TLR2: variants seen among roughly 807,000 people sequenced by gnomAD.
The protein encoded by TLR2 is toll-like receptor 2.
A neutral mutation model predicts 9.1 loss-of-function variants in TLR2; 7 were observed. The ratio of observed to expected loss-of-function variants is 0.77; its 90% CI spans 0.44 to 1.44. The LOEUF is 1.44. TLR2 is among the 40% of genes most tolerant of loss of function. The pLI is 0.01. For synonymous variants in TLR2, 317 were observed against 344.6 expected, an observed-to-expected ratio of 0.92 and a Z score of 0.89; for missense variants, 812 against 904.6, an observed-to-expected ratio of 0.90 and a Z score of 1.31.
At chr4:153,699,166 T>C (rs1181476347) in intron 2 of TLR2, among the ~76,000 whole-genome samples, 2 of 152,180 alleles carry the variant, frequency 1.3e-5, no homozygotes, top group East Asian at 3.9e-4. Context: ...TAGCACACAG[T>C]GTCCCACAGG....
chr4:153,699,696 T>C (rs545265280), intron 2 of TLR2, among the ~76,000 whole-genome samples: 2 of 152,252 alleles, frequency 1.3e-5, no homozygotes, highest in African/African-American at 2.4e-5. Context: ...GAATCTGTTA[T>C]AAAGAAAATG....
chr4:153,703,288 A>G lies in TLR2; in HGVS notation c.381A>G (p.Thr127=). ...GGTTCAAGCCCCTTTCTTCTTTAAC[A>G]TTCTTAAACTTACTGGGAAATCCTT... The part of the protein sequence containing the change: ...SSWFKPLSSL[T]FLNLLGNPYK... The change falls in exon 3 of 3, where the codon ACA becomes ACG. Residue 127 remains threonine (T), a synonymous_variant. Transcript: ENST00000642700. 1.2e-6 allele frequency: 2 copies of G among 1,611,664 alleles called. No homozygotes were observed. The highest frequency in any genetic ancestry group is 1.7e-6 in the Non-Finnish European group (2 of 1,179,434).
Position 153,704,600 on chromosome 4 carries a change from G to C in TLR2, c.1693G>C (p.Asp565His). 6.2e-7 allele frequency: 1 copy of C among 1,613,368 alleles called. No homozygotes were observed. The highest frequency in any genetic ancestry group is 8.5e-7 in the Non-Finnish European group (1 of 1,179,968). The part of the protein sequence containing the change: ...LIDWPANYLC[D>H]SPSHVRGQQV... ...TGATTGGCCAGCAAATTACCTGTGT[G>C]ACTCTCCATCCCATGTGCGTGGCCA... The change falls in exon 3 of 3, where the codon GAC (aspartate) becomes CAC (histidine). Residue 565 changes from aspartate to histidine, a missense_variant. Coordinates refer to ENST00000642700, the MANE Select transcript of TLR2 (RefSeq NM_001318789.2).
chr4:153,699,763 T>C (rs183942756), intron 2 of TLR2, among the ~76,000 whole-genome samples: 1 of 152,278 alleles, frequency 6.6e-6, no homozygotes, highest in African/African-American at 2.4e-5. Context: ...TGAGGATGAT[T>C]GGGGATACAG....
intron 2 of TLR2, among the ~76,000 whole-genome samples, chr4:153,701,221 G>C (rs1483865007): frequency 6.6e-6 from 1 of 152,150 alleles, no homozygotes; most frequent in Non-Finnish European, 1.5e-5. Context: ...AGTATTAAGA[G>C]GTGTGACCTG....
In TLR2 at chr4:153,704,648, T is replaced by C; in HGVS notation, c.1741T>C (p.Ser581Pro). 1 of 1,613,506 alleles carries C rather than the reference T, an allele frequency of 6.2e-7. No individual in the cohort carries two copies. ...CCAGCAGGTTCAGGATGTCCGCCTC[T>C]CGGTGTCGGAATGTCACAGGACAGC... is the stretch of plus-strand genomic sequence containing the variant. ...RGQQVQDVRL[S>P]VSECHRTALV... The change falls in exon 3 of 3, where the codon TCG becomes CCG. Residue 581 changes from serine (S) to proline (P), a missense_variant. Ser to Pro is a moderately conservative substitution (Grantham distance 74, BLOSUM62 -1). Transcript: ENST00000642700.
intron 1 of TLR2, 150 bp from the exon 2 acceptor site, chr4:153,687,752 A>C (rs1735814156): frequency 6.6e-6 from 1 of 152,264 alleles, no homozygotes; most frequent in Non-Finnish European, 1.5e-5. Context: ...GAAGCCAATC[A>C]GGTGATTACT....
chr4:153,699,131 A>T (rs1259222150), intron 2 of TLR2, among the ~76,000 whole-genome samples: 2 of 152,214 alleles, frequency 1.3e-5, no homozygotes, highest in East Asian at 3.9e-4. Flanking sequence ...AAATACTACT[A>T]TTGCTTCCCC....
downstream of TLR2, among the ~76,000 whole-genome samples, chr4:153,707,453 G>A (rs1399652699): frequency 1.3e-5 from 2 of 152,212 alleles, no homozygotes; most frequent in African/African-American, 2.4e-5. Context: ...GGGATGCTGA[G>A]GTGGGAGGAT....
chr4:153,708,020 T>C (rs1213649288), downstream of TLR2, among the ~76,000 whole-genome samples: 1 of 152,250 alleles, frequency 6.6e-6, no homozygotes, highest in Non-Finnish European at 1.5e-5. Context: ...TGACACCTAG[T>C]ATTAGCCATA....
Position 153,703,020 on chromosome 4 carries a change from G to A in TLR2, c.113G>A (p.Gly38Asp), listed in dbSNP as rs770640118. 1.5e-5 allele frequency: 25 copies of A among 1,613,850 alleles called. No individual in the cohort carries two copies. In the African/African-American group the frequency reaches 3.2e-4, roughly 21 times the overall value. Residue 38 changes from glycine to aspartate, a missense_variant, in exon 3 of 3, where the codon GGC becomes GAC. By Grantham distance (94) the Gly-to-Asp change is moderately conservative. Transcript: ENST00000642700. The part of the protein sequence containing the change: ...LSCDRNGICK[G>D]SSGSLNSIPS... Reference sequence around the variant, plus strand: ...TGTGACCGCAATGGTATCTGCAAGGGCAGCTCAGGATCTTTAAACTCCATT... The same window carrying A: ...TGTGACCGCAATGGTATCTGCAAGGACAGCTCAGGATCTTTAAACTCCATT...
intron 1 of TLR2, among the ~76,000 whole-genome samples, chr4:153,685,144 T>G (rs1735611996): frequency 6.6e-6 from 1 of 152,238 alleles, no homozygotes; most frequent in African/African-American, 2.4e-5. Context: ...TCCTTCATTC[T>G]TAGGATGTGT....
rs62323857 is a variant in TLR2, at chr4:153,704,246, C to T, written c.1339C>T (p.Arg447Ter). 3.7e-4 allele frequency: 594 copies of T among 1,614,098 alleles called. No homozygotes were observed. The highest frequency in any genetic ancestry group is 8.9e-4 in the East Asian group (40 of 44,880). Residue 447 changes from arginine (R) to a stop codon, truncating the protein, a stop_gained, in exon 3 of 3, where the codon CGA (arginine) becomes TGA (stop). Transcript: ENST00000642700. LOFTEE classifies it low-confidence loss of function (END_TRUNC). ...KMKYLNLSSTRIHSVTGCIPK... is the reference protein window; with the variant it reads ...KMKYLNLSST ...GAAATATTTGAACTTATCCAGCACACGAATACACAGTGTAACAGGCTGCAT... is the reference window on the plus strand; with the variant it reads ...GAAATATTTGAACTTATCCAGCACATGAATACACAGTGTAACAGGCTGCAT...
chr4:153,691,981 A>G (rs1736153684), intron 2 of TLR2, among the ~76,000 whole-genome samples: 1 of 152,236 alleles, frequency 6.6e-6, no homozygotes, highest in Non-Finnish European at 1.5e-5. Flanking sequence ...TTATCCATAT[A>G]ATGAATAATG....
intron 2 of TLR2, among the ~76,000 whole-genome samples, chr4:153,698,843 A>G (rs573538791): frequency 6.6e-6 from 1 of 152,298 alleles, no homozygotes; most frequent in South Asian, 2.1e-4. Context: ...TTCACCCTAT[A>G]GCAGATTTCA....
At chr4:153,708,830 C>A (rs1443523164), downstream of TLR2, among the ~76,000 whole-genome samples, 3 of 152,120 alleles carry the variant, frequency 2.0e-5, no homozygotes, top group Non-Finnish European at 4.4e-5. Flanking sequence ...ATTACTCAAA[C>A]AAGAAAAAAC....
chr4:153,707,998 A>T (rs1737387387), downstream of TLR2, among the ~76,000 whole-genome samples: 1 of 152,224 alleles, frequency 6.6e-6, no homozygotes, highest in African/African-American at 2.4e-5. Context: ...GCATCTTTCA[A>T]TCCAATCAAG....
intron 2 of TLR2, among the ~76,000 whole-genome samples, chr4:153,691,109 C>T (rs976306703): frequency 1.3e-5 from 2 of 152,166 alleles, no homozygotes; most frequent in South Asian, 2.1e-4. Context: ...GTGTGAAAAA[C>T]TTTACCTTTT....
At chr4:153,707,692 C>A (rs1002559380), downstream of TLR2, among the ~76,000 whole-genome samples, 1 of 152,202 alleles carries the variant, frequency 6.6e-6, no homozygotes, top group Non-Finnish European at 1.5e-5. Flanking sequence ...GTAGATTTAA[C>A]ATTGACTCGA....
Sources: allele counts gnomAD v4.1 joint callset (sites outside exome capture counted in the v4.1 genomes callset), GRCh38; gene constraint gnomAD v4.1.1; transcripts MANE v1.5; gene names NCBI Gene and HGNC (gene_info 2026-07-23, HGNC 2026-07-21).